Variants in ROBO2 observed in about 807,000 individuals in gnomAD.
The protein encoded by ROBO2 is roundabout homolog 2.
In ROBO2, 53 loss-of-function variants were observed where a neutral mutation model predicts 160.8. The ratio of observed to expected loss-of-function variants is 0.33; its 90% CI spans 0.26 to 0.41. The LOEUF (loss-of-function observed/expected upper bound fraction) is 0.41, where lower values mean the gene tolerates loss of function less well. Ranked by LOEUF, ROBO2 falls within the 10% of genes least tolerant of loss-of-function variation. The pLI is 1.00. For synonymous variants in ROBO2, 664 were observed against 611.7 expected, an observed-to-expected ratio of 1.09 and a Z score of -1.26; for missense variants, 1,577 against 1,722.4, an observed-to-expected ratio of 0.92 and a Z score of 1.49.
At chr3:76,177,257 T>A (rs913863091) in intron 2 of ROBO2, among the ~76,000 whole-genome samples, 1 of 152,162 alleles carries the variant, frequency 6.6e-6, no homozygotes, top group East Asian at 1.9e-4. Flanking sequence ...GTATCTTAAA[T>A]TGGGTATAAT....
At chr3:77,602,691 G>A (rs1160934892) in intron 20 of ROBO2, among the ~76,000 whole-genome samples, 200 bp downstream of exon 21, 23 of 48,598 alleles carry the variant, frequency 4.7e-4, no homozygotes, top group East Asian at 1.4e-3. Flanking sequence ...CACCACCACC[G>A]CCGCCGCCAC....
At chr3:76,969,430 G>A (rs191284107) in intron 2 of ROBO2, among the ~76,000 whole-genome samples, 122 of 152,106 alleles carry the variant, frequency 8.0e-4, no homozygotes, top group Non-Finnish European at 1.4e-3. Context: ...GCATTGTATC[G>A]TTCCTAAGCC....
intron 2 of ROBO2, among the ~76,000 whole-genome samples, chr3:77,228,090 T>A (rs1304870152): frequency 6.6e-6 from 1 of 152,172 alleles, no homozygotes; most frequent in Non-Finnish European, 1.5e-5. Flanking sequence ...CTAAGATGCT[T>A]CTTTAGAGAA....
intron 2 of ROBO2, among the ~76,000 whole-genome samples, chr3:76,711,175 T>G (rs147526846): frequency 6.5e-4 from 99 of 152,310 alleles, no homozygotes; most frequent in African/African-American, 2.3e-3. Context: ...CTCACATTTC[T>G]GCAGGATTAA....
intron 14 of ROBO2, among the ~76,000 whole-genome samples, chr3:77,575,240 C>G (rs138981924): frequency 6.6e-6 from 1 of 152,064 alleles, no homozygotes; most frequent in African/African-American, 2.4e-5. Flanking sequence ...CCACTTTGGA[C>G]CTTTTCTTAC....
chr3:76,381,249 G>A (rs1253866310), intron 2 of ROBO2, among the ~76,000 whole-genome samples: 1 of 152,142 alleles, frequency 6.6e-6, no homozygotes, highest in Non-Finnish European at 1.5e-5. Context: ...ACTGAGCTCA[G>A]CCTAGGGACT....
At chr3:76,648,668 A>G (rs1424954704) in intron 2 of ROBO2, among the ~76,000 whole-genome samples, 1 of 152,152 alleles carries the variant, frequency 6.6e-6, no homozygotes, top group East Asian at 1.9e-4. Flanking sequence ...ATAAATAAAT[A>G]GATATATGAG....
chr3:77,200,310 T>C (rs1579914630), intron 2 of ROBO2, among the ~76,000 whole-genome samples: 1 of 89,308 alleles, frequency 1.1e-5, no homozygotes, highest in Non-Finnish European at 2.2e-5. Flanking sequence ...TATATATATA[T>C]ATATATATAT....
At chr3:77,459,441 C>CTG (rs1490755544) in intron 2 of ROBO2, among the ~76,000 whole-genome samples, 1 of 152,200 alleles carries the variant, frequency 6.6e-6, no homozygotes, top group Non-Finnish European at 1.5e-5. Context: ...TGCGCACCTA[C>CTG]TGTGTGCTAA....
chr3:77,446,270 AAC>A (rs2080499103), intron 2 of ROBO2, among the ~76,000 whole-genome samples: 1 of 151,952 alleles, frequency 6.6e-6, no homozygotes, highest in South Asian at 2.1e-4. Context: ...CACACACATA[AAC>A]ACAAAGAAAA....
intron 6 of ROBO2, among the ~76,000 whole-genome samples, chr3:77,533,866 T>C (rs1475131925): frequency 6.6e-6 from 1 of 151,428 alleles, no homozygotes; most frequent in African/African-American, 2.4e-5. Context: ...GGCCTCAGAA[T>C]GCTGCCAACT....
Position 75,918,294 on chromosome 3 carries a change from C to T in ROBO2, c.-14+11334C>T, listed in dbSNP as rs573917886. 2.2e-4 allele frequency among the ~76,000 whole-genome samples: 34 copies of T among 152,282 alleles called. No individual in the cohort carries two copies. The South Asian group carries it at 6.4e-3, about 29-fold the overall frequency. ...AGCGCCATTTATTAAATAGGGAATC[C>T]TTTCCCCATTGCTTGCTTTTGTCAG... On this transcript the variant is annotated intron_variant, in intron 1 of 26. Coordinates refer to the ROBO2 transcript ENST00000487694.
At chr3:75,973,494 G>C (rs1359940519) in intron 2 of ROBO2, among the ~76,000 whole-genome samples, 1 of 151,576 alleles carries the variant, frequency 6.6e-6, no homozygotes, top group Non-Finnish European at 1.5e-5. Flanking sequence ...AAGGAACTAA[G>C]TGATGGAAGG....
chr3:77,130,272 C>T (rs928447005), intron 2 of ROBO2, among the ~76,000 whole-genome samples: 4 of 152,154 alleles, frequency 2.6e-5, no homozygotes, highest in East Asian at 3.9e-4. Flanking sequence ...CTGCACTGTA[C>T]GTTCGTTAGC....
intron 2 of ROBO2, among the ~76,000 whole-genome samples, chr3:76,485,009 T>G (rs1577537925): frequency 6.6e-6 from 1 of 152,134 alleles, no homozygotes; most frequent in African/African-American, 2.4e-5. Context: ...AAGTTAATAC[T>G]GTACAATTGC....
intron 2 of ROBO2, among the ~76,000 whole-genome samples, chr3:77,454,558 T>C (rs1233250819): frequency 6.6e-6 from 1 of 152,218 alleles, no homozygotes; most frequent in East Asian, 1.9e-4. Flanking sequence ...GTGACATCAC[T>C]CTAACTCTCT....
intron 2 of ROBO2, among the ~76,000 whole-genome samples, chr3:77,228,343 A>G (rs2086738774): frequency 6.6e-6 from 1 of 151,846 alleles, no homozygotes. Context: ...TTTTCTATTT[A>G]TTACAGGAAT....
intron 1 of ROBO2, 124 bp downstream of exon 1, chr3:77,040,970 C>A (rs899627709): frequency 1.5e-6 from 2 of 1,305,708 alleles, no homozygotes; most frequent in Non-Finnish European, 1.1e-6. Flanking sequence ...TCCGTTTTGG[C>A]CCGGCACGGG....
intron 9 of ROBO2, among the ~76,000 whole-genome samples, chr3:77,560,327 A>T (rs2093279745): frequency 6.6e-6 from 1 of 152,136 alleles, no homozygotes; most frequent in Non-Finnish European, 1.5e-5. Context: ...AGCATGGAAA[A>T]GATGAGAAGC....
Sources: gnomAD v4.1 joint callset for allele counts (sites outside exome capture counted in the v4.1 genomes callset) on GRCh38, gnomAD v4.1.1 for gene constraint, MANE v1.5 for transcripts, NCBI Gene and HGNC (gene_info 2026-07-23, HGNC 2026-07-21) for gene names.